Variants in FRMD3 observed in about 807,000 individuals in gnomAD.
The protein encoded by FRMD3 is FERM domain containing 3, also known as FERM domain-containing protein 3.
In FRMD3, 33 loss-of-function variants were observed where a neutral mutation model predicts 70.2. That is an observed-to-expected ratio of 0.47 (90% confidence interval 0.36 to 0.63). FRMD3 has a LOEUF of 0.63. FRMD3 is among the 20% of genes least tolerant of loss of function. The pLI is 0.00. For missense variants in FRMD3, 632 were observed against 711.4 expected, an observed-to-expected ratio of 0.89 and a Z score of 1.27; for synonymous variants, 279 against 255.9, an observed-to-expected ratio of 1.09 and a Z score of -0.86.
At position 83,537,946 on chromosome 9, in the gene FRMD3, T is replaced by C. The variant is rs1829935200; in HGVS notation, c.147+139A>G. On this transcript the variant is annotated intron_variant, in intron 1 of 13. Transcript: ENST00000304195. The surrounding 1 kb of genome is among the most constrained non-coding windows in gnomAD (Gnocchi z 4.1). ...ATAAGGCCCCCCACCCTCAGAGGCC[T>C]GAGGAATCGAAATCTGGCTTTCTAG... 1 of 958,684 alleles carries C rather than the reference T, an allele frequency of 1.0e-6. No homozygotes were observed. Among genetic ancestry groups the C allele is most frequent in the Non-Finnish European group, 1.5e-6 (1 of 652,210 alleles). The allele number at this position is 958,684 out of a possible 1,614,324, so 59.4% of individuals were successfully genotyped here.
At chr9:83,509,485 C>G (rs138475628) in intron 1 of FRMD3, among the ~76,000 whole-genome samples, 2 of 152,270 alleles carry the variant, frequency 1.3e-5, no homozygotes, top group East Asian at 1.9e-4. Context: ...CTACTTTAAG[C>G]TGAAATAAAT....
In FRMD3 at chr9:83,537,117, A is replaced by G. The variant is rs1829913437; in HGVS notation, c.147+968T>C. On this transcript the variant is annotated intron_variant, in intron 1 of 13. Coordinates refer to ENST00000304195, the MANE Select transcript of FRMD3 (RefSeq NM_174938.6). The surrounding 1 kb of genome is among the most constrained non-coding windows in gnomAD (Gnocchi z 4.1). ...AGTGGGGCATCTTTGGGGTCCTGGA[A>G]GAGGGGCTCCCACCTGCCTACATAT... Among the ~76,000 whole-genome samples the G allele has an allele frequency of 6.6e-6, 1 of 151,956 alleles. No homozygotes were observed. Among genetic ancestry groups the G allele is most frequent in the Admixed American group, 6.6e-5 (1 of 15,260 alleles).
chr9:83,427,090 G>A (rs2131369793), intron 1 of FRMD3, among the ~76,000 whole-genome samples: 1 of 152,340 alleles, frequency 6.6e-6, no homozygotes, highest in South Asian at 2.1e-4. Context: ...GTTTCTTAAA[G>A]GCACCTAAGT....
intron 1 of FRMD3, among the ~76,000 whole-genome samples, chr9:83,489,776 T>C (rs550190740): frequency 1.3e-5 from 2 of 152,318 alleles, no homozygotes; most frequent in South Asian, 4.1e-4. Flanking sequence ...AAAAATCACG[T>C]TTAATAGCTG....
intron 13 of FRMD3, among the ~76,000 whole-genome samples, chr9:83,249,293 A>C (rs1178623047): frequency 6.6e-6 from 1 of 152,178 alleles, no homozygotes; most frequent in African/African-American, 2.4e-5. Context: ...AAGGGTAAGA[A>C]CTTTTTCTAA....
chr9:83,343,625 G>A (rs375137262), intron 4 of FRMD3, among the ~76,000 whole-genome samples: 26 of 152,278 alleles, frequency 1.7e-4, no homozygotes, highest in South Asian at 8.3e-4. Context: ...CATGGCCACC[G>A]TCATCACTAG....
chr9:83,352,801 C>T (rs991423788), intron 3 of FRMD3, among the ~76,000 whole-genome samples: 1 of 152,196 alleles, frequency 6.6e-6, no homozygotes, highest in Non-Finnish European at 1.5e-5. Context: ...ATCGTCGTCT[C>T]CTGTCAATGG....
the FRMD3 span, among the ~76,000 whole-genome samples, chr9:83,552,639 C>A: frequency 6.6e-6 from 1 of 152,130 alleles, no homozygotes; most frequent in African/African-American, 2.4e-5. Context: ...CTTTAGGAAT[C>A]TGGGTGCTCC....
chr9:83,511,208 G>A (rs113943319), intron 1 of FRMD3, among the ~76,000 whole-genome samples: 2,062 of 152,188 alleles, frequency 0.014, 57 homozygotes, highest in African/African-American at 0.048. Flanking sequence ...GACTTACTTA[G>A]GAAATGACTA....
At chr9:83,315,541 C>G (rs1425275503) in intron 6 of FRMD3, among the ~76,000 whole-genome samples, 1 of 152,100 alleles carries the variant, frequency 6.6e-6, no homozygotes, top group Non-Finnish European at 1.5e-5. Context: ...TGGTTGTTTA[C>G]AAGTGTGTAG....
intron 6 of FRMD3, among the ~76,000 whole-genome samples, chr9:83,326,824 A>G (rs1836037335): frequency 6.6e-6 from 1 of 152,232 alleles, no homozygotes; most frequent in African/African-American, 2.4e-5. Flanking sequence ...CTTTTCAAAG[A>G]GCTAACAATT....
chr9:83,291,350 C>T (rs1834411985), intron 12 of FRMD3, among the ~76,000 whole-genome samples: 1 of 152,160 alleles, frequency 6.6e-6, no homozygotes, highest in Admixed American at 6.5e-5. Flanking sequence ...GCAGGTATCT[C>T]ATTAAGCCTA....
chr9:83,584,403 G>A, the FRMD3 span, among the ~76,000 whole-genome samples: 16 of 152,026 alleles, frequency 1.1e-4, no homozygotes, highest in South Asian at 3.3e-3. Context: ...TCTTTTCCCT[G>A]TCTCATTCAG....
intron 5 of FRMD3, among the ~76,000 whole-genome samples, chr9:83,336,148 G>A (rs964381328): frequency 3.9e-5 from 6 of 152,028 alleles, no homozygotes; most frequent in African/African-American, 1.4e-4. Flanking sequence ...TAGAAACAAC[G>A]TATTGTATAC....
intron 5 of FRMD3, among the ~76,000 whole-genome samples, chr9:83,341,344 C>T (rs1009782757): frequency 6.6e-6 from 1 of 152,108 alleles, no homozygotes; most frequent in African/African-American, 2.4e-5. Context: ...GGGCCCTGAT[C>T]GTCTGGATGG....
intron 4 of FRMD3, among the ~76,000 whole-genome samples, 198 bp from the exon 5 acceptor site, chr9:83,343,485 G>T (rs1211318706): frequency 6.6e-6 from 1 of 152,020 alleles, no homozygotes; most frequent in African/African-American, 2.4e-5. Flanking sequence ...AGAAGTGTCT[G>T]CCGAGCAGAT....
chr9:83,381,111 G>A (rs1195571154), intron 2 of FRMD3, among the ~76,000 whole-genome samples: 4 of 152,162 alleles, frequency 2.6e-5, no homozygotes, highest in African/African-American at 9.7e-5. Flanking sequence ...CAGATTATAA[G>A]GCTATAGCGA....
chr9:83,539,976 G>A (rs1269252890), upstream of FRMD3, among the ~76,000 whole-genome samples: 34 of 152,198 alleles, frequency 2.2e-4, no homozygotes, highest in Non-Finnish European at 5.9e-5. Flanking sequence ...ATGGGAAGAT[G>A]TGGATTTCAT....
intron 1 of FRMD3, among the ~76,000 whole-genome samples, chr9:83,534,691 A>G (rs528907604): frequency 4.6e-5 from 7 of 152,342 alleles, no homozygotes; most frequent in South Asian, 2.1e-4. Context: ...ATATAAGGAC[A>G]CAGTGTATCA....
Sources: gnomAD v4.1 joint callset for allele counts (sites outside exome capture counted in the v4.1 genomes callset) on GRCh38, gnomAD v4.1.1 for gene constraint, Gnocchi (gnomAD v3.1) non-coding constraint, MANE v1.5 for transcripts, NCBI Gene and HGNC (gene_info 2026-07-23, HGNC 2026-07-21) for gene names.